GASK1B: variants seen among roughly 807,000 people sequenced by gnomAD.
The protein encoded by GASK1B is Golgi-associated kinase 1B.
GASK1B carries 34 observed loss-of-function variants against 42.8 expected under a neutral mutation model. The ratio of observed to expected loss-of-function variants is 0.79; its 90% CI spans 0.60 to 1.06. The LOEUF (loss-of-function observed/expected upper bound fraction) is 1.06, where lower values mean the gene tolerates loss of function less well. Ranked by LOEUF, GASK1B falls within the 50% of genes least tolerant of loss-of-function variation. The probability of loss-of-function intolerance (pLI) is 0.00; values close to 1 mark genes in which losing one functional copy is unlikely to be tolerated. For missense variants in GASK1B, 686 were observed against 661.0 expected (o/e 1.04, Z -0.42); for synonymous variants, 262 against 259.1 (o/e 1.01, Z -0.11).
intron 4 of GASK1B, among the ~76,000 whole-genome samples, chr4:158,129,454 C>A (rs142508211): frequency 6.6e-6 from 1 of 152,224 alleles, no homozygotes; most frequent in African/African-American, 2.4e-5. Context: ...CAGGGCAGGA[C>A]CCGGCAAAAA....
At chr4:158,145,962 G>A (rs1166813247) in intron 3 of GASK1B, among the ~76,000 whole-genome samples, 2 of 152,142 alleles carry the variant, frequency 1.3e-5, no homozygotes, top group Non-Finnish European at 2.9e-5. Flanking sequence ...AGTATATGAA[G>A]AAGCCATCAA....
rs893092427 is a variant in GASK1B at position 158,124,737 on chromosome 4, T to C, written c.*2670A>G. 1 of 152,156 alleles carries C rather than the reference T, an allele frequency of 6.6e-6. No individual in the cohort carries two copies. The highest frequency in any genetic ancestry group is 2.4e-5 in the African/African-American group (1 of 41,448). 9.4% of individuals were successfully genotyped at this position (152,156 alleles called of 1,614,324 possible). On this transcript the variant is annotated 3_prime_UTR_variant, in exon 5 of 5. Coordinates refer to ENST00000585682, the MANE Select transcript of GASK1B (RefSeq NM_001128424.2). ...CACACACAAACACAATCCAACAAAA[T>C]TCTTGACTCTCTTTCTTTTTTCACC...
At chr4:158,171,798 C>CA (rs960032958) in intron 1 of GASK1B, among the ~76,000 whole-genome samples, 199 bp from the exon 2 acceptor site, 3 of 152,068 alleles carry the variant, frequency 2.0e-5, no homozygotes, top group Admixed American at 2.0e-4. Context: ...AAACAAGCCA[C>CA]AAAAATCCAA....
rs201301623 is a variant in GASK1B, at chr4:158,130,765, A to C, written c.1352+21T>G. 48 of 1,548,912 alleles carry C rather than the reference A, an allele frequency of 3.1e-5. No homozygotes were observed. The African/African-American group carries it at 6.0e-4, about 19-fold the overall frequency. On this transcript the variant is annotated intron_variant, in intron 4 of 4. Transcript: ENST00000585682. ...ATCTAACATAAATGTGATGTCCTGC[A>C]GATGTTACTATAAAACTTACTCTTT...
At chr4:158,131,936 C>T (rs1730699776) in intron 3 of GASK1B, among the ~76,000 whole-genome samples, 1 of 152,102 alleles carries the variant, frequency 6.6e-6, no homozygotes, top group South Asian at 2.1e-4. Flanking sequence ...GTCCCTGTCC[C>T]AAGCATCTAT....
intron 2 of GASK1B, chr4:158,159,590 C>T (rs1223032308): frequency 2.8e-6 from 1 of 363,076 alleles, no homozygotes; most frequent in South Asian, 2.0e-5. Context: ...GTACTGGACT[C>T]TCTAGAGAAA....
intron 2 of GASK1B, chr4:158,169,960 G>GAA (rs768662658): frequency 2.5e-5 from 10 of 408,044 alleles, no homozygotes; most frequent in East Asian, 8.4e-5. Context: ...TAAATCCATT[G>GAA]AAAAAAAAAG....
At position 158,127,679 on chromosome 4, in the gene GASK1B, G is replaced by C. The variant is rs1056189464; in HGVS notation, c.1353-65C>G. On this transcript the variant is annotated intron_variant, in intron 4 of 4. Coordinates refer to ENST00000585682, the MANE Select transcript of GASK1B (RefSeq NM_001128424.2). Reference sequence around the variant, plus strand: ...TGGGAATAGTACTCCTTACCCAACTGTCCTGCCTTTCATTAATCTGTCATA... The same window carrying C: ...TGGGAATAGTACTCCTTACCCAACTCTCCTGCCTTTCATTAATCTGTCATA... 3 of 1,388,620 alleles carry C rather than the reference G, an allele frequency of 2.2e-6. No individual in the cohort carries two copies. In the African/African-American group the frequency reaches 4.4e-5, roughly 20 times the overall value. The allele number at this position is 1,388,620 out of a possible 1,614,324, so 86.0% of individuals were successfully genotyped here.
intron 3 of GASK1B, among the ~76,000 whole-genome samples, chr4:158,142,132 G>A (rs1274688678): frequency 1.3e-5 from 2 of 148,572 alleles, no homozygotes; most frequent in Non-Finnish European, 3.0e-5. Flanking sequence ...TTTTAGTAGA[G>A]ACGGGGTTTC....
At position 158,170,895 on chromosome 4, in the gene GASK1B, C is replaced by T. The variant is rs761323667; in HGVS notation, c.481G>A (p.Ala161Thr). ...QPQEAAREADAVAPGYAQGAN... is the reference protein window; with the variant it reads ...QPQEAAREADTVAPGYAQGAN... ...CCCTGAGCGTACCCAGGTGCTACAG[C>T]ATCAGCTTCCCTTGCCGCTTCCTGC... The change falls in exon 2 of 5, where the codon GCT (alanine) becomes ACT (threonine). Residue 161 changes from alanine (A) to threonine (T), a missense_variant. Transcript: ENST00000585682. 3.7e-6 allele frequency: 6 copies of T among 1,614,254 alleles called. No individual in the cohort carries two copies. Among genetic ancestry groups the T allele is most frequent in the Non-Finnish European group, 4.2e-6 (5 of 1,180,056 alleles).
intron 2 of GASK1B, among the ~76,000 whole-genome samples, chr4:158,163,548 G>A (rs1379771005): frequency 6.7e-6 from 1 of 149,906 alleles, no homozygotes; most frequent in African/African-American, 2.5e-5. Context: ...CAGCCTGGAC[G>A]ACAGAGCAAG....
chr4:158,161,804 G>A (rs975128710), intron 2 of GASK1B, among the ~76,000 whole-genome samples: 3 of 152,138 alleles, frequency 2.0e-5, no homozygotes, highest in South Asian at 2.1e-4. Context: ...TGTTAATCCA[G>A]TTAAAGGAGC....
In GASK1B at chr4:158,147,602, C is replaced by G. The variant is rs116728925; in HGVS notation, c.1125+8009G>C. Among the ~76,000 whole-genome samples, 550 of 126,434 alleles carry G rather than the reference C, an allele frequency of 4.4e-3. 6 individuals are homozygous for G. Among genetic ancestry groups the G allele is most frequent in the African/African-American group, 0.015 (527 of 35,420 alleles). 82.9% of individuals were successfully genotyped at this position (126,434 alleles called of 152,430 possible). A position where few individuals can be genotyped will look rare whatever the true frequency, so the allele number is the denominator to read the frequency against. Reference sequence around the variant, plus strand: ...TAGGCAACAGAGCAAGACTCTGTGACTCTGTCCCAAAAAAAAAAAAAAATT... The same window carrying G: ...TAGGCAACAGAGCAAGACTCTGTGAGTCTGTCCCAAAAAAAAAAAAAAATT... On this transcript the variant is annotated intron_variant, in intron 3 of 4. Transcript: ENST00000585682.
At chr4:158,130,425 C>T (rs1385382553) in intron 4 of GASK1B, among the ~76,000 whole-genome samples, 9 of 152,134 alleles carry the variant, frequency 5.9e-5, no homozygotes, top group Admixed American at 3.9e-4. Context: ...TATCTTATGC[C>T]TAATAATGGA....
intron 3 of GASK1B, among the ~76,000 whole-genome samples, chr4:158,133,030 T>C (rs751908971): frequency 2.6e-5 from 4 of 152,232 alleles, no homozygotes; most frequent in African/African-American, 7.2e-5. Context: ...GAGAACTTTA[T>C]TGAGCCCTTT....
intron 3 of GASK1B, among the ~76,000 whole-genome samples, chr4:158,145,485 C>T (rs1731295889): frequency 1.3e-5 from 2 of 152,122 alleles, no homozygotes; most frequent in African/African-American, 4.8e-5. Flanking sequence ...ACCATTTCTA[C>T]CACTCAATGA....
chr4:158,146,918 C>G (rs1731352273), intron 3 of GASK1B, among the ~76,000 whole-genome samples: 1 of 152,180 alleles, frequency 6.6e-6, no homozygotes, highest in Non-Finnish European at 1.5e-5. Flanking sequence ...TTGTGCTTCT[C>G]TCACATTTTA....
At chr4:158,156,872 G>C (rs1425920851) in intron 2 of GASK1B, among the ~76,000 whole-genome samples, 5 of 152,226 alleles carry the variant, frequency 3.3e-5, no homozygotes, top group African/African-American at 1.2e-4. Context: ...AGAATGTTCA[G>C]ACTTGTCACA....
intron 2 of GASK1B, among the ~76,000 whole-genome samples, chr4:158,158,355 G>A (rs1331078278): frequency 6.6e-6 from 1 of 151,978 alleles, no homozygotes; most frequent in Non-Finnish European, 1.5e-5. Flanking sequence ...CATTTCTTGA[G>A]CATTTACTGT....
Sources: allele counts gnomAD v4.1 joint callset (sites outside exome capture counted in the v4.1 genomes callset), GRCh38; gene constraint gnomAD v4.1.1; transcripts MANE v1.5; gene names NCBI Gene and HGNC (gene_info 2026-07-23, HGNC 2026-07-21).